Variants in PIRT observed in about 807,000 individuals in gnomAD.
The protein encoded by PIRT is phosphoinositide interacting regulator of transient receptor potential channels.
A neutral mutation model predicts 7.9 loss-of-function variants in PIRT; 6 were observed. That is an observed-to-expected ratio of 0.76 (90% CI 0.42 to 1.51). The LOEUF is 1.51. Ranked by LOEUF, PIRT falls within the 40% of genes most tolerant of loss-of-function variation. The pLI is 0.01. For synonymous variants in PIRT, 78 were observed against 71.8 expected (o/e 1.09, Z -0.44); for missense variants, 170 against 172.9 (o/e 0.98, Z 0.09).
At position 10,825,385 on chromosome 17, in the gene PIRT, G is replaced by A. The variant is rs1218256126; in HGVS notation, c.261C>T (p.Ser87=). 3 of 1,613,998 alleles carry A rather than the reference G, an allele frequency of 1.9e-6. No individual in the cohort carries two copies. Among genetic ancestry groups the A allele is most frequent in the South Asian group, 2.2e-5 (2 of 91,090 alleles). Reference sequence around the variant, plus strand: ...AGCCAGGCCCTACCATTTTGAGGATGGAGAGACTCTTGTCACTCAGCTTCA... The same window carrying A: ...AGCCAGGCCCTACCATTTTGAGGATAGAGAGACTCTTGTCACTCAGCTTCA... ...YTLKLSDKSL[S]ILKMVGPGFL... is the part of the protein sequence containing the mutation. The change falls in exon 2 of 2, where the codon TCC becomes TCT. Residue 87 remains serine, a synonymous_variant. Coordinates refer to ENST00000580256, the MANE Select transcript of PIRT (RefSeq NM_001101387.2).
chr17:10,828,126 A>G (rs1905378146), intron 1 of PIRT, among the ~76,000 whole-genome samples: 1 of 152,120 alleles, frequency 6.6e-6, no homozygotes, highest in African/African-American at 2.4e-5. Flanking sequence ...TATAGAAACC[A>G]CTTACACACT....
At position 10,822,494 on chromosome 17, in the gene PIRT, A is replaced by G. The variant is rs1905228085; in HGVS notation, c.*2738T>C. Reference sequence around the variant, plus strand: ...ACAGTGTTACATAGAATACAATTCAACATTACATTGATTCCTTTAGGCTTC... The same window carrying G: ...ACAGTGTTACATAGAATACAATTCAGCATTACATTGATTCCTTTAGGCTTC... On this transcript the variant is annotated 3_prime_UTR_variant, in exon 2 of 2. Transcript: ENST00000580256. 1 of 152,232 alleles carries G rather than the reference A, an allele frequency of 6.6e-6. No individual in the cohort carries two copies. The highest frequency in any genetic ancestry group is 1.9e-4 in the East Asian group (1 of 5,192). The allele number at this position is 152,232 out of a possible 1,614,324, so 9.4% of individuals were successfully genotyped here. A position where few individuals can be genotyped will look rare whatever the true frequency, so the allele number is the denominator to read the frequency against.
At chr17:10,829,323 AGCTGCCATCTGGGAGTGAGGGG>A (rs1905409105) in intron 1 of PIRT, among the ~76,000 whole-genome samples, 1 of 152,138 alleles carries the variant, frequency 6.6e-6, no homozygotes, top group African/African-American at 2.4e-5. Flanking sequence ...TGCTCCTGGG[AGCTGCCATCTGGGAGTGAGGGG>A]GCTCAGGAAC....
intron 1 of PIRT, among the ~76,000 whole-genome samples, chr17:10,831,304 C>T (rs58258138): frequency 0.17 from 26,087 of 152,132 alleles, 2,407 homozygotes; most frequent in South Asian, 0.24. Flanking sequence ...TTGTGGCCCC[C>T]AAAAGATATG....
intron 1 of PIRT, among the ~76,000 whole-genome samples, chr17:10,829,965 GTCTATCTA>G (rs10561822): frequency 0.038 from 5,625 of 149,544 alleles, 115 homozygotes; most frequent in South Asian, 0.055. Context: ...ATGTCTGTCT[GTCTATCTA>G]TCTATCTATC....
intron 1 of PIRT, among the ~76,000 whole-genome samples, chr17:10,834,652 C>T (rs1304943221): frequency 4.6e-5 from 7 of 152,084 alleles, no homozygotes; most frequent in African/African-American, 1.4e-4. Flanking sequence ...AGAGCAATGG[C>T]GAGATCTCAG....
rs909617716 is a variant in PIRT at position 10,823,131 on chromosome 17, A to C, written c.*2101T>G. 6.6e-6 allele frequency: 1 copy of C among 152,240 alleles called. No individual in the cohort carries two copies. Among genetic ancestry groups the C allele is most frequent in the Non-Finnish European group, 1.5e-5 (1 of 68,048 alleles). 9.4% of individuals were successfully genotyped at this position (152,240 alleles called of 1,614,324 possible). A position where few individuals can be genotyped will look rare whatever the true frequency, so the allele number is the denominator to read the frequency against. ...GAATGCATCGAGGAATGCAAGAGTA[A>C]TATTATAGGGCCATCAAATCTGCAT... On this transcript the variant is annotated 3_prime_UTR_variant, in exon 2 of 2. Transcript: ENST00000580256.
chr17:10,827,464 T>C (rs1436487893), intron 1 of PIRT, among the ~76,000 whole-genome samples: 1 of 129,694 alleles, frequency 7.7e-6, no homozygotes, highest in Non-Finnish European at 1.6e-5. Context: ...CTTTTTCTTT[T>C]CTTTTTTTTT....
intron 1 of PIRT, among the ~76,000 whole-genome samples, chr17:10,833,431 T>A (rs1597588864): frequency 6.6e-6 from 1 of 152,328 alleles, no homozygotes; most frequent in Admixed American, 6.5e-5. Context: ...AGGCAAACTC[T>A]GAACTGTGAC....
intron 1 of PIRT, among the ~76,000 whole-genome samples, chr17:10,834,337 TG>T (rs1489219955): frequency 6.6e-6 from 1 of 152,008 alleles, no homozygotes; most frequent in Non-Finnish European, 1.5e-5. Context: ...CACACAGACA[TG>T]CTGGGTGGAA....
intron 1 of PIRT, among the ~76,000 whole-genome samples, chr17:10,829,990 T>TCTAC (rs1447171787): frequency 3.9e-5 from 6 of 151,926 alleles, no homozygotes; most frequent in African/African-American, 1.2e-4. Context: ...TATCTATCTA[T>TCTAC]CTATCTATCT....
chr17:10,834,889 G>A (rs977782747), intron 1 of PIRT, among the ~76,000 whole-genome samples: 10 of 145,562 alleles, frequency 6.9e-5, no homozygotes, highest in African/African-American at 2.3e-4. Flanking sequence ...TGCGCCCAGC[G>A]TTGTTTGTTT....
rs1905633629 is a variant in PIRT at position 10,837,988 on chromosome 17, T to C, written c.-182A>G. ...GGAGGATGGGGGACCTGGGAATCACTTGGTGCTCGTGCAAGGAGGAAGCCG... is the reference window on the plus strand; with the variant it reads ...GGAGGATGGGGGACCTGGGAATCACCTGGTGCTCGTGCAAGGAGGAAGCCG... On this transcript the variant is annotated 5_prime_UTR_variant, in exon 1 of 2. Coordinates refer to ENST00000580256, the MANE Select transcript of PIRT (RefSeq NM_001101387.2). The C allele has an allele frequency of 6.6e-6, 1 of 152,262 alleles. No individual in the cohort carries two copies. Among genetic ancestry groups the C allele is most frequent in the Admixed American group, 6.5e-5 (1 of 15,278 alleles). The allele number at this position is 152,262 out of a possible 1,614,324, so 9.4% of individuals were successfully genotyped here.
chr17:10,823,159 A>G lies in PIRT; in HGVS notation c.*2073T>C, dbSNP rs1905242540. On this transcript the variant is annotated 3_prime_UTR_variant, in exon 2 of 2. Coordinates refer to ENST00000580256, the MANE Select transcript of PIRT (RefSeq NM_001101387.2). ...TTATAGGGCCATCAAATCTGCATTC[A>G]TCTCAGAAGAAGGGAAATGATCTGC... is the stretch of plus-strand genomic sequence containing the variant. 2 of 152,234 alleles carry G rather than the reference A, an allele frequency of 1.3e-5. No individual in the cohort carries two copies. Among genetic ancestry groups the G allele is most frequent in the Non-Finnish European group, 2.9e-5 (2 of 68,056 alleles). The allele number at this position is 152,234 out of a possible 1,614,324, so 9.4% of individuals were successfully genotyped here.
intron 1 of PIRT, among the ~76,000 whole-genome samples, chr17:10,827,465 CTTTTTTTTTTTTTTTTTTT>C (rs546105685): frequency 1.8e-5 from 1 of 56,292 alleles, no homozygotes; most frequent in African/African-American, 7.5e-5. Context: ...TTTTTCTTTT[CTTTTTTTTTTTTTTTTTTT>C]TTTTTTTGAA....
chr17:10,836,715 AAGC>A (rs1300923619), intron 1 of PIRT, among the ~76,000 whole-genome samples: 4 of 152,106 alleles, frequency 2.6e-5, no homozygotes, highest in African/African-American at 9.7e-5. Flanking sequence ...CAAGAGCTGA[AAGC>A]AGAGGAGAGA....
intron 1 of PIRT, 82 bp from the exon 2 acceptor site, chr17:10,825,865 A>C (rs982235083): frequency 1.7e-5 from 7 of 404,768 alleles, no homozygotes; most frequent in Admixed American, 8.5e-5. Context: ...TTCTTGCAAG[A>C]GATAAATATT....
chr17:10,829,609 C>T (rs1299247199), intron 1 of PIRT, among the ~76,000 whole-genome samples: 1 of 152,182 alleles, frequency 6.6e-6, no homozygotes, highest in African/African-American at 2.4e-5. Flanking sequence ...AGCAGCTAGT[C>T]TGGATGGGTC....
At chr17:10,834,486 G>A (rs761486441) in intron 1 of PIRT, among the ~76,000 whole-genome samples, 11 of 152,314 alleles carry the variant, frequency 7.2e-5, no homozygotes, top group South Asian at 2.1e-4. Flanking sequence ...GAATATACAC[G>A]AGGAAATTTC....
Sources: allele counts gnomAD v4.1 joint callset (sites outside exome capture counted in the v4.1 genomes callset), GRCh38; gene constraint gnomAD v4.1.1; transcripts MANE v1.5; gene names NCBI Gene and HGNC (gene_info 2026-07-23, HGNC 2026-07-21).